The following DNM2 variants were observed in gnomAD, a reference collection of about 807,000 sequenced individuals.
DNM2 encodes the protein dynamin-2.
Under a neutral mutation model 99.0 loss-of-function variants are expected in DNM2, and 15 were observed. The observed-to-expected ratio is 0.15, with a 90% confidence interval of 0.10 to 0.23. DNM2 has a LOEUF of 0.23. Among genes scored for constraint, DNM2 ranks in the 10% least tolerant of loss-of-function variants. DNM2 has a pLI of 1.00. For missense variants in DNM2, 742 were observed against 1,189.4 expected, an observed-to-expected ratio of 0.62 and a Z score of 5.53; for synonymous variants, 525 against 481.2, an observed-to-expected ratio of 1.09 and a Z score of -1.19.
intron 6 of DNM2, among the ~76,000 whole-genome samples, chr19:10,785,110 A>T (rs1213748254): frequency 6.7e-6 from 1 of 149,348 alleles, no homozygotes; most frequent in Non-Finnish European, 1.5e-5. Flanking sequence ...GAGCCACTGT[A>T]CCCATCCCGG....
In DNM2 at chr19:10,798,501, C is replaced by T. The variant is rs372593558; in HGVS notation, c.1351C>T (p.Arg451Trp). Residue 451 changes from arginine (R) to tryptophan (W), a missense_variant, in exon 11 of 21, where the codon CGG becomes TGG. This residue lies in a region of DNM2 where 240 missense variants were observed against 431.3 expected (regional missense o/e 0.56). Coordinates refer to ENST00000389253, the MANE Select transcript of DNM2 (RefSeq NM_001005361.3). ...GTTCCCCCAGCTCAGTTCCTACCCC[C>T]GGTTGCGAGAGGAGACAGAGCGAAT... ...KCAEKLSSYP[R>W]LREETERIVT... 5.6e-6 allele frequency: 9 copies of T among 1,614,070 alleles called. No homozygotes were observed. Among genetic ancestry groups the T allele is most frequent in the Admixed American group, 3.3e-5 (2 of 60,002 alleles).
chr19:10,829,349 C>A, intron 19 of DNM2, 81 bp downstream of exon 19: 1 of 1,523,600 alleles, frequency 6.6e-7, no homozygotes, highest in Non-Finnish European at 8.9e-7. Context: ...AGGGTCCTGG[C>A]AGGAAACAGG....
intron 1 of DNM2, among the ~76,000 whole-genome samples, chr19:10,753,591 T>C (rs1263840605): frequency 1.3e-5 from 2 of 151,948 alleles, no homozygotes; most frequent in African/African-American, 2.4e-5. Context: ...TGTTGCTGCA[T>C]AGCAGCATGG....
At chr19:10,792,092 A>G (rs912887176) in intron 7 of DNM2, among the ~76,000 whole-genome samples, 3 of 152,182 alleles carry the variant, frequency 2.0e-5, no homozygotes, top group Non-Finnish European at 4.4e-5. Context: ...CAGCTCAAAA[A>G]ACAAAAAACA....
chr19:10,819,441 T>C (rs1191043753), intron 15 of DNM2, among the ~76,000 whole-genome samples: 2 of 152,110 alleles, frequency 1.3e-5, no homozygotes, highest in African/African-American at 2.4e-5. Context: ...GTTTCAAAGA[T>C]GGAGCCCAGA....
chr19:10,820,112 G>T lies in DNM2; in HGVS notation c.1781+23G>T. 1 of 1,612,338 alleles carries T rather than the reference G, an allele frequency of 6.2e-7. No individual in the cohort carries two copies. Among genetic ancestry groups the T allele is most frequent in the Non-Finnish European group, 8.5e-7 (1 of 1,178,618 alleles). ...GAGGTGAGGGGCCCAGGGGCCTGGG[G>T]ATGGCTCGGGGTGAAGACCAATGGC... is the stretch of plus-strand genomic sequence containing the variant. On this transcript the variant is annotated intron_variant, in intron 16 of 20. Coordinates refer to ENST00000389253, the MANE Select transcript of DNM2 (RefSeq NM_001005361.3). The surrounding 1 kb of genome is among the most constrained non-coding windows in gnomAD (Gnocchi z 4.3).
chr19:10,749,232 G>A (rs376983087), intron 1 of DNM2, among the ~76,000 whole-genome samples: 33 of 152,310 alleles, frequency 2.2e-4, no homozygotes, highest in African/African-American at 7.5e-4. Context: ...GTTCCTGCAC[G>A]TAGCCGTCCC....
Position 10,823,842 on chromosome 19 carries a change from C to T in DNM2, c.1836C>T (p.Asp612=), listed in dbSNP as rs767061986. ...AGCTGGCCTGTGACTCCCAGGAAGA[C>T]GTGGACAGCTGGAAGGCCTCGTTCC... ...QIELACDSQE[D]VDSWKASFLR... is the part of the protein sequence containing the mutation. The change falls in exon 17 of 21, where the codon GAC becomes GAT. Residue 612 remains aspartate, a synonymous_variant. Transcript: ENST00000389253. 2.2e-5 allele frequency: 35 copies of T among 1,613,620 alleles called. No homozygotes were observed. Among genetic ancestry groups the T allele is most frequent in the South Asian group, 4.4e-5 (4 of 91,060 alleles).
rs765811641 is a variant in DNM2 at position 10,812,229 on chromosome 19, C to T, written c.1558-35C>T. 9.1e-6 allele frequency: 14 copies of T among 1,543,014 alleles called. No homozygotes were observed. Among genetic ancestry groups the T allele is most frequent in the Non-Finnish European group, 1.1e-5 (13 of 1,138,684 alleles). ...GCTGGGGGATGGCTGGGGCACGGAG[C>T]GAGGTTCCCTGCTAAGCTGCGCGCT... On this transcript the variant is annotated intron_variant, in intron 14 of 20. Transcript: ENST00000389253. This position sits in a 1 kb window ranked among gnomAD's most constrained non-coding sequence, Gnocchi z 4.0.
chr19:10,812,427 G>A lies in DNM2; in HGVS notation c.1671+50G>A. Reference sequence around the variant, plus strand: ...TGCTGGGGTAGGTGGGGCAGCCAGGGAAGAGCGGGTGGGCGCTCCCTCTGG... The same window carrying A: ...TGCTGGGGTAGGTGGGGCAGCCAGGAAAGAGCGGGTGGGCGCTCCCTCTGG... On this transcript the variant is annotated intron_variant, in intron 15 of 20. Transcript: ENST00000389253. This position sits in a 1 kb window ranked among gnomAD's most constrained non-coding sequence, Gnocchi z 4.0. The A allele has an allele frequency of 1.3e-6, 2 of 1,504,266 alleles. No individual in the cohort carries two copies. 93.2% of individuals were successfully genotyped at this position (1,504,266 alleles called of 1,614,324 possible).
At chr19:10,771,221 G>A (rs540761093) in intron 2 of DNM2, among the ~76,000 whole-genome samples, 1 of 152,322 alleles carries the variant, frequency 6.6e-6, no homozygotes, top group South Asian at 2.1e-4. Flanking sequence ...GTGGACACCT[G>A]TGTACTCGGC....
intron 2 of DNM2, among the ~76,000 whole-genome samples, chr19:10,767,960 C>G (rs1052216674): frequency 2.6e-5 from 4 of 152,084 alleles, no homozygotes; most frequent in African/African-American, 9.7e-5. Flanking sequence ...TTACTTTCAC[C>G]ATGCCAGGGA....
intron 1 of DNM2, among the ~76,000 whole-genome samples, chr19:10,746,910 T>C (rs2070007386): frequency 6.6e-6 from 1 of 151,836 alleles, no homozygotes; most frequent in Non-Finnish European, 1.5e-5. Flanking sequence ...CTAATTTTTG[T>C]ATTTTTAGTA....
intron 7 of DNM2, among the ~76,000 whole-genome samples, chr19:10,791,348 G>A (rs1402690763): frequency 2.0e-5 from 3 of 152,014 alleles, no homozygotes; most frequent in African/African-American, 2.4e-5. Flanking sequence ...TCAGCTTCCC[G>A]AAGTGATGGG....
chr19:10,747,082 T>G (rs2070016790), intron 1 of DNM2, among the ~76,000 whole-genome samples: 1 of 151,790 alleles, frequency 6.6e-6, no homozygotes, highest in Non-Finnish European at 1.5e-5. Context: ...CTCATCATGT[T>G]GCCCAGGCTG....
intron 2 of DNM2, among the ~76,000 whole-genome samples, chr19:10,771,230 G>A (rs2070967557): frequency 6.6e-6 from 1 of 152,156 alleles, no homozygotes; most frequent in African/African-American, 2.4e-5. Flanking sequence ...TGTGTACTCG[G>A]CAGCCACCTT....
intron 2 of DNM2, among the ~76,000 whole-genome samples, chr19:10,770,893 C>T (rs568344638): frequency 6.6e-6 from 1 of 152,262 alleles, no homozygotes; most frequent in Admixed American, 6.5e-5. Context: ...GGTGGGGACA[C>T]AGAGCCAGAC....
At chr19:10,821,369 G>T (rs569092241) in intron 16 of DNM2, among the ~76,000 whole-genome samples, 3 of 152,258 alleles carry the variant, frequency 2.0e-5, no homozygotes, top group African/African-American at 7.2e-5. Flanking sequence ...GCAAAAACAA[G>T]ATAAGATGGT....
rs1350158578 is a variant in DNM2, at chr19:10,724,078, C to T, written c.161+5675C>T. Among the ~76,000 whole-genome samples the T allele has an allele frequency of 6.2e-5, 7 of 113,308 alleles. No homozygotes were observed. In the South Asian group the frequency reaches 1.0e-3, roughly 17 times the overall value. The allele number at this position is 113,308 out of a possible 152,430, so 74.3% of individuals were successfully genotyped here. ...CAGCCTGGGCGGAAGAACGAGACCT[C>T]GTCTCAAAAAAAAAAAAAAAGGCGA... On this transcript the variant is annotated intron_variant, in intron 1 of 20. Transcript: ENST00000389253.
Sources: gnomAD v4.1 joint callset for allele counts (sites outside exome capture counted in the v4.1 genomes callset) on GRCh38, gnomAD v4.1.1 for gene constraint, gnomAD v4.1.1 regional missense constraint, Gnocchi (gnomAD v3.1) non-coding constraint, MANE v1.5 for transcripts, NCBI Gene and HGNC (gene_info 2026-07-23, HGNC 2026-07-21) for gene names.